The following TRPM1 variants were observed in gnomAD, a reference collection of about 807,000 sequenced individuals.
TRPM1 encodes TRPM1-203 APA Isoform, Intron 10.
TRPM1 carries 113 observed loss-of-function variants against 149.4 expected under a neutral mutation model. The ratio of observed to expected loss-of-function variants is 0.76; its 90% CI spans 0.65 to 0.88. TRPM1 has a LOEUF of 0.88. Ranked by LOEUF, TRPM1 falls within the 40% of genes least tolerant of loss-of-function variation. TRPM1 has a pLI of 0.00. For synonymous variants in TRPM1, 741 were observed against 759.5 expected (o/e 0.98, Z 0.40); for missense variants, 1,976 against 2,038.7 (o/e 0.97, Z 0.59).
chr15:31,088,415 T>G (rs1440063665), intron 1 of TRPM1, among the ~76,000 whole-genome samples: 1 of 152,186 alleles, frequency 6.6e-6, no homozygotes, highest in East Asian at 1.9e-4. Flanking sequence ...AGTGTCTGGG[T>G]TGGCACCACC....
intron 17 of TRPM1, among the ~76,000 whole-genome samples, chr15:31,041,315 G>A (rs531429708): frequency 2.0e-5 from 3 of 152,138 alleles, no homozygotes; most frequent in South Asian, 2.1e-4. Context: ...CCACTACGCC[G>A]GGCTAAAATA....
At chr15:31,096,197 C>T (rs79384439) in intron 1 of TRPM1, among the ~76,000 whole-genome samples, 9,092 of 152,028 alleles carry the variant, frequency 0.06, 363 homozygotes, top group Middle Eastern at 0.16. Flanking sequence ...AAGGCAGGAA[C>T]GAGCCAGGCA....
intron 1 of TRPM1, among the ~76,000 whole-genome samples, chr15:31,089,128 T>G (rs1241285726): frequency 6.6e-6 from 1 of 152,210 alleles, no homozygotes; most frequent in African/African-American, 2.4e-5. Flanking sequence ...GAATACAGTG[T>G]GGAAACTGAA....
intron 27 of TRPM1, among the ~76,000 whole-genome samples, chr15:31,011,440 G>C (rs1162966227): frequency 6.6e-6 from 1 of 151,582 alleles, no homozygotes; most frequent in Non-Finnish European, 1.5e-5. Flanking sequence ...TCTTTTTTAA[G>C]ATATGGGGCC....
At position 31,037,846 on chromosome 15, in the gene TRPM1, G is replaced by A. The variant is rs1255221259; in HGVS notation, c.2440-4C>T. On this transcript the variant is annotated splice_region_variant and splice_polypyrimidine_tract_variant and intron_variant, in intron 19 of 27. Coordinates refer to ENST00000256552, the MANE Select transcript of TRPM1 (RefSeq NM_001252024.2). ...AGCCAGCATCTGCATTTGCATCCTG[G>A]AAAACAGAGCACAGCACATGACAGG... 6.2e-7 allele frequency: 1 copy of A among 1,614,040 alleles called. No individual in the cohort carries two copies. The highest frequency in any genetic ancestry group is 1.7e-5 in the Admixed American group (1 of 60,014).
chr15:31,160,814 TG>T, intron 1 of TRPM1: 2 of 1,414,176 alleles, frequency 1.4e-6, no homozygotes, highest in South Asian at 2.4e-5. Flanking sequence ...CAGGACCCGC[TG>T]GGCCAGCACT....
rs779719013 is a variant in TRPM1 at position 31,067,924 on chromosome 15, C to A, written c.448G>T (p.Ala150Ser). 163 of 1,613,786 alleles carry A rather than the reference C, an allele frequency of 1.0e-4. No homozygotes were observed. Among genetic ancestry groups the A allele is most frequent in the Non-Finnish European group, 1.3e-4 (153 of 1,180,034 alleles). ...QVFGKGLIKA[A>S]MTTGAWIFTG... is the part of the protein sequence containing the mutation. Reference sequence around the variant, plus strand: ...AAGATCCAGGCCCCGGTGGTCATAGCAGCCTTGATCAGGCCTTTCCCAAAG... The same window carrying A: ...AAGATCCAGGCCCCGGTGGTCATAGAAGCCTTGATCAGGCCTTTCCCAAAG... The change falls in exon 5 of 28, where the codon GCT becomes TCT. Residue 150 changes from alanine to serine, a missense_variant. Physicochemically the swap from Ala to Ser is moderately conservative, Grantham distance 99. Around this residue, in one of 3 missense-constraint regions of TRPM1, gnomAD observed 1,332 missense variants for 1,347.1 expected, o/e 0.99. Coordinates refer to ENST00000256552, the MANE Select transcript of TRPM1 (RefSeq NM_001252024.2).
At chr15:31,113,797 C>G (rs2338855) in intron 1 of TRPM1, among the ~76,000 whole-genome samples, 61,562 of 151,724 alleles carry the variant, frequency 0.41, 13,109 homozygotes, top group East Asian at 0.72. Context: ...GGCAAGGACC[C>G]ACAGTTAGCA....
intron 27 of TRPM1, among the ~76,000 whole-genome samples, chr15:31,016,868 G>A (rs1351033859): frequency 3.3e-5 from 5 of 151,740 alleles, no homozygotes; most frequent in African/African-American, 7.3e-5. Context: ...GATCCTCCAC[G>A]CCCATATTCA....
Position 31,081,334 on chromosome 15 carries a change from G to T in TRPM1, c.3+19C>A. The T allele has an allele frequency of 7.0e-7, 1 of 1,437,184 alleles. No homozygotes were observed. Among genetic ancestry groups the T allele is most frequent in the East Asian group, 2.5e-5 (1 of 40,490 alleles). 89.0% of individuals were successfully genotyped at this position (1,437,184 alleles called of 1,614,324 possible). On this transcript the variant is annotated intron_variant, in intron 2 of 27. Coordinates refer to ENST00000256552, the MANE Select transcript of TRPM1 (RefSeq NM_001252024.2). ...GGGGGGAGGGGGGGAAGGTGGAAGT[G>T]CTTTACTTAGGTATTAACCATGAGT... is the stretch of plus-strand genomic sequence containing the variant.
intron 21 of TRPM1, among the ~76,000 whole-genome samples, chr15:31,034,805 T>G (rs578045656): frequency 6.6e-6 from 1 of 152,396 alleles, no homozygotes; most frequent in Non-Finnish European, 1.5e-5. Context: ...GTAATTGGTT[T>G]ATCTCAGGTC....
At chr15:31,030,956 G>C in intron 23 of TRPM1, 27 bp downstream of exon 23, 2 of 1,613,624 alleles carry the variant, frequency 1.2e-6, no homozygotes, top group Middle Eastern at 3.3e-4. Flanking sequence ...GCAGGGAAGA[G>C]AATCTTACTA....
chr15:31,128,484 G>A (rs570993445), intron 1 of TRPM1, among the ~76,000 whole-genome samples: 2 of 152,094 alleles, frequency 1.3e-5, no homozygotes, highest in Admixed American at 6.6e-5. Flanking sequence ...ACCCCATATC[G>A]CCAGGAGGGT....
chr15:31,031,289 C>A, intron 22 of TRPM1, 132 bp from the exon 23 acceptor site: 1 of 963,084 alleles, frequency 1.0e-6, no homozygotes, highest in South Asian at 1.4e-5. Context: ...TCTTTCCCTT[C>A]CTTTCTTCCC....
intron 2 of TRPM1, among the ~76,000 whole-genome samples, chr15:31,078,195 C>A (rs960911100): frequency 1.9e-4 from 29 of 152,108 alleles, no homozygotes; most frequent in Non-Finnish European, 5.9e-5. Context: ...TTGGAGCTGG[C>A]CTCCTGGCTG....
chr15:31,138,271 C>A (rs766155524), intron 1 of TRPM1, among the ~76,000 whole-genome samples: 28 of 152,076 alleles, frequency 1.8e-4, no homozygotes, highest in Non-Finnish European at 1.5e-4. Context: ...AGCCTGCCAG[C>A]CCTCTGACAA....
chr15:31,007,896 G>A (rs764344817), intron 27 of TRPM1, among the ~76,000 whole-genome samples: 21 of 152,016 alleles, frequency 1.4e-4, no homozygotes, highest in Admixed American at 2.6e-4. Context: ...GATCCCATAC[G>A]TATTTTACGA....
intron 27 of TRPM1, among the ~76,000 whole-genome samples, chr15:31,004,080 G>C (rs1284413463): frequency 6.6e-6 from 1 of 152,220 alleles, no homozygotes; most frequent in African/African-American, 2.4e-5. Context: ...CCTGGCTACT[G>C]TGTTCTGGCT....
chr15:31,118,187 G>A (rs2035827696), intron 1 of TRPM1, among the ~76,000 whole-genome samples: 1 of 152,156 alleles, frequency 6.6e-6, no homozygotes, highest in Admixed American at 6.5e-5. Flanking sequence ...GAACCCAGGA[G>A]GCAGAGGTTG....
Sources: gnomAD v4.1 joint callset for allele counts (sites outside exome capture counted in the v4.1 genomes callset) on GRCh38, gnomAD v4.1.1 for gene constraint, gnomAD v4.1.1 regional missense constraint, MANE v1.5 for transcripts, NCBI Gene and HGNC (gene_info 2026-07-23, HGNC 2026-07-21) for gene names.